SORCS2: variants seen among roughly 807,000 people sequenced by gnomAD.
SORCS2 encodes the protein VPS10 domain-containing receptor SorCS2.
A neutral mutation model predicts 141.6 loss-of-function variants in SORCS2; 100 were observed. The observed-to-expected ratio is 0.71, with a 90% confidence interval of 0.60 to 0.83. The LOEUF is 0.83. Ranked by LOEUF, SORCS2 falls within the 40% of genes least tolerant of loss-of-function variation. The pLI is 0.00. For synonymous variants in SORCS2, 789 were observed against 676.9 expected (o/e 1.17, Z -2.57); for missense variants, 1,646 against 1,560.2 (o/e 1.05, Z -0.93).
chr4:7,240,471 G>C (rs1712619078), intron 1 of SORCS2, among the ~76,000 whole-genome samples: 1 of 152,166 alleles, frequency 6.6e-6, no homozygotes, highest in Non-Finnish European at 1.5e-5. Context: ...TTGGAGGCTG[G>C]AGTGATGATA....
At chr4:7,635,483 G>C (rs1577873562) in intron 3 of SORCS2, among the ~76,000 whole-genome samples, 1 of 152,048 alleles carries the variant, frequency 6.6e-6, no homozygotes, top group Admixed American at 6.6e-5. Context: ...CTTATTTCTG[G>C]CCACTTCCCA....
rs1194569285 is a variant in SORCS2, at chr4:7,374,581, C to T, written c.481-21707C>T. On this transcript the variant is annotated intron_variant, in intron 1 of 26. Transcript: ENST00000507866. ...TCGATTCACACCATCTAGCCAAACT[C>T]ACCTTTGTCTGTGCCACGTCCAGGC... 2.6e-5 allele frequency among the ~76,000 whole-genome samples: 4 copies of T among 152,234 alleles called. No individual in the cohort carries two copies. The East Asian group carries it at 7.7e-4, about 29-fold the overall frequency.
At chr4:7,561,430 A>ATCTATCCATTCATCCC in intron 3 of SORCS2, among the ~76,000 whole-genome samples, 1 of 151,086 alleles carries the variant, frequency 6.6e-6, no homozygotes, top group African/African-American at 2.4e-5. Context: ...CCATTCATCC[A>ATCTATCCATTCATCCC]TCTACCTATT....
chr4:7,620,714 G>C (rs1719107819), intron 3 of SORCS2, among the ~76,000 whole-genome samples: 1 of 152,252 alleles, frequency 6.6e-6, no homozygotes, highest in African/African-American at 2.4e-5. Flanking sequence ...TGGCCTGGAA[G>C]GCTGTGGGGC....
chr4:7,637,243 C>T (rs1201253422), intron 3 of SORCS2, among the ~76,000 whole-genome samples: 1 of 152,212 alleles, frequency 6.6e-6, no homozygotes, highest in Non-Finnish European at 1.5e-5. Flanking sequence ...CGAGGCCTTG[C>T]AGACCCAACA....
chr4:7,527,886 G>C (rs1293610544), intron 2 of SORCS2, among the ~76,000 whole-genome samples: 4 of 152,152 alleles, frequency 2.6e-5, no homozygotes, highest in Admixed American at 2.6e-4. Flanking sequence ...ACCTGGCAGT[G>C]GGGGCAGCCT....
At chr4:7,325,481 A>T (rs1261010526) in intron 1 of SORCS2, among the ~76,000 whole-genome samples, 3 of 152,076 alleles carry the variant, frequency 2.0e-5, no homozygotes, top group Non-Finnish European at 4.4e-5. Context: ...GAAAGGAGAA[A>T]TTTGGGGAAA....
At chr4:7,489,307 C>G (rs1032742976) in intron 2 of SORCS2, among the ~76,000 whole-genome samples, 1 of 152,186 alleles carries the variant, frequency 6.6e-6, no homozygotes, top group Non-Finnish European at 1.5e-5. Context: ...CTGCCATTTC[C>G]AAGCACCCTA....
intron 3 of SORCS2, among the ~76,000 whole-genome samples, chr4:7,597,198 A>T (rs1717327152): frequency 6.8e-6 from 1 of 147,204 alleles, no homozygotes; most frequent in Non-Finnish European, 1.5e-5. Flanking sequence ...ACAATGGAAG[A>T]GGGGGCTATT....
intron 12 of SORCS2, among the ~76,000 whole-genome samples, chr4:7,700,746 A>C (rs74715172): frequency 0.1 from 15,349 of 152,212 alleles, 956 homozygotes; most frequent in Middle Eastern, 0.17. Context: ...CGGAGGGAGC[A>C]CAGAGCATTG....
intron 2 of SORCS2, among the ~76,000 whole-genome samples, chr4:7,502,881 T>G (rs1250319561): frequency 6.6e-6 from 1 of 152,238 alleles, no homozygotes; most frequent in Admixed American, 6.5e-5. Flanking sequence ...GAGGAGAATA[T>G]TATAAAACTG....
intron 11 of SORCS2, among the ~76,000 whole-genome samples, chr4:7,691,257 G>T (rs944203550): frequency 6.6e-6 from 1 of 152,216 alleles, no homozygotes; most frequent in Non-Finnish European, 1.5e-5. Context: ...TCGCAGCACC[G>T]AGCTGGGGCC....
chr4:7,639,281 G>A (rs1324030565), intron 4 of SORCS2, among the ~76,000 whole-genome samples: 1 of 152,204 alleles, frequency 6.6e-6, no homozygotes, highest in African/African-American at 2.4e-5. Context: ...CTTCCCCCTG[G>A]GCTCTAGGGA....
chr4:7,262,440 T>C (rs936998573), intron 1 of SORCS2, among the ~76,000 whole-genome samples: 4 of 149,854 alleles, frequency 2.7e-5, no homozygotes, highest in Non-Finnish European at 5.9e-5. Context: ...CCATGGCCTA[T>C]TCCTGTAGGC....
chr4:7,370,303 G>T (rs761893790), intron 1 of SORCS2, among the ~76,000 whole-genome samples: 1 of 152,236 alleles, frequency 6.6e-6, no homozygotes, highest in South Asian at 2.1e-4. Flanking sequence ...CTGTTTGGTT[G>T]TCTGAGCCCG....
At chr4:7,544,783 C>G (rs1713114269) in intron 3 of SORCS2, among the ~76,000 whole-genome samples, 1 of 152,220 alleles carries the variant, frequency 6.6e-6, no homozygotes, top group Admixed American at 6.5e-5. Context: ...AAGTCACCTG[C>G]CATCCCCAGT....
chr4:7,447,108 G>A (rs570500616), intron 2 of SORCS2, among the ~76,000 whole-genome samples: 1 of 152,198 alleles, frequency 6.6e-6, no homozygotes, highest in East Asian at 1.9e-4. Context: ...AGGACCCCGT[G>A]TGCTCAGTTC....
intron 3 of SORCS2, among the ~76,000 whole-genome samples, chr4:7,617,263 A>G (rs1220447646): frequency 6.6e-6 from 1 of 151,744 alleles, no homozygotes; most frequent in Non-Finnish European, 1.5e-5. Context: ...CTATACACAC[A>G]CCCACTCACC....
At chr4:7,243,628 C>T (rs773502698) in intron 1 of SORCS2, among the ~76,000 whole-genome samples, 2 of 152,234 alleles carry the variant, frequency 1.3e-5, no homozygotes, top group Admixed American at 6.5e-5. Context: ...CAGGCTCCCT[C>T]GCCAGACACA....
Sources: allele counts gnomAD v4.1 joint callset (sites outside exome capture counted in the v4.1 genomes callset), GRCh38; gene constraint gnomAD v4.1.1; transcripts MANE v1.5; gene names NCBI Gene and HGNC (gene_info 2026-07-23, HGNC 2026-07-21).